The following DENND2D variants were observed in gnomAD, a reference collection of about 807,000 sequenced individuals.
DENND2D encodes the protein DENN domain-containing protein 2D.
DENND2D carries 37 observed loss-of-function variants against 59.8 expected under a neutral mutation model. The observed-to-expected ratio is 0.62, with a 90% CI of 0.48 to 0.81. DENND2D has a LOEUF of 0.81. DENND2D is among the 40% of genes least tolerant of loss of function. The pLI is 0.00. For missense variants in DENND2D, 525 were observed against 579.7 expected (o/e 0.91, Z 0.97); for synonymous variants, 219 against 211.3 (o/e 1.04, Z -0.31).
At chr1:111,188,933 T>C in intron 9 of DENND2D, 147 bp from the exon 10 acceptor site, 7 of 765,818 alleles carry the variant, frequency 9.1e-6, no homozygotes, top group Non-Finnish European at 1.5e-5. Context: ...AAGCTGTTTC[T>C]TGGCCTTTAG....
In DENND2D at chr1:111,197,237, G is replaced by C. The variant is rs1026164401; in HGVS notation, c.443C>G (p.Pro148Arg). Reference sequence around the variant, plus strand: ...GATGCAGTACACTTTGGGAAGGCGAGGGCCAGGGCCGGCAGGCTGGGGAGG... The same window carrying C: ...GATGCAGTACACTTTGGGAAGGCGACGGCCAGGGCCGGCAGGCTGGGGAGG... ...CRRLLPAGPG[P>R]RLPKVYCIIS... Residue 148 changes from proline to arginine, a missense_variant, in exon 5 of 12, where the codon CCT becomes CGT. By Grantham distance (103) the Pro-to-Arg change is moderately radical (BLOSUM62 -2). Transcript: ENST00000357640. The C allele has an allele frequency of 6.2e-7, 1 of 1,613,484 alleles. No homozygotes were observed. Among genetic ancestry groups the C allele is most frequent in the Admixed American group, 1.7e-5 (1 of 59,966 alleles).
Position 111,197,723 on chromosome 1 carries a change from C to T in DENND2D, c.426+197G>A, listed in dbSNP as rs599134. 9.1e-5 allele frequency: 129 copies of T among 1,419,638 alleles called. 1 individual carries two copies. The highest frequency in any genetic ancestry group is 1.7e-4 in the South Asian group (11 of 66,000). The allele number at this position is 1,419,638 out of a possible 1,614,324, so 87.9% of individuals were successfully genotyped here. ...GCACAGACCAGAGCCTGACCAGCAG[C>T]GGGAGAAGGGGCATCAGGTCCTCGT... On this transcript the variant is annotated intron_variant, in intron 4 of 11. Coordinates refer to ENST00000357640, the MANE Select transcript of DENND2D (RefSeq NM_024901.5).
upstream of DENND2D, chr1:111,204,509 C>T: frequency 1.3e-6 from 1 of 798,940 alleles, no homozygotes. Context: ...TCCGGCCCAA[C>T]CCCCGGGCGC....
chr1:111,200,679 C>T (rs1658716666), upstream of DENND2D: 1 of 1,328,408 alleles, frequency 7.5e-7, no homozygotes, highest in African/African-American at 1.5e-5. Context: ...GAAGCCAGCA[C>T]CAACAGAGTC....
rs2101431242 is a variant in DENND2D at position 111,186,763 on chromosome 1, T to C, written c.*842A>G. ...CAGTTGGAGGTAGGATGTCCAAGAC[T>C]GAAGGTAAAGGACTAGTGCAAACTG... On this transcript the variant is annotated 3_prime_UTR_variant, in exon 12 of 12. Transcript: ENST00000357640. Among the ~76,000 whole-genome samples the C allele has an allele frequency of 6.6e-6, 1 of 152,308 alleles. No homozygotes were observed. Among genetic ancestry groups the C allele is most frequent in the Middle Eastern group, 3.4e-3 (1 of 294 alleles).
chr1:111,195,634 A>C, intron 6 of DENND2D: 1 of 345,426 alleles, frequency 2.9e-6, no homozygotes, highest in Non-Finnish European at 5.4e-6. Context: ...GGCTGAGGGA[A>C]AAGTCCTTTA....
At chr1:111,203,660 C>T (rs1659018641), upstream of DENND2D, among the ~76,000 whole-genome samples, 1 of 152,184 alleles carries the variant, frequency 6.6e-6, no homozygotes, top group African/African-American at 2.4e-5. Flanking sequence ...TGTTGCGGGG[C>T]TGAGGGAAAG....
At chr1:111,195,776 CCATT>C (rs1354848589) in intron 6 of DENND2D, 136 bp downstream of exon 6, 4 of 1,226,718 alleles carry the variant, frequency 3.3e-6, no homozygotes. Flanking sequence ...TCAGCTTTGT[CCATT>C]CTAACCAAGT....
At position 111,189,204 on chromosome 1, in the gene DENND2D, A is replaced by C; in HGVS notation, c.1014+8T>G. On this transcript the variant is annotated splice_region_variant and intron_variant, in intron 9 of 11. Transcript: ENST00000357640. ...AGGCCTGCAGGGGATCTGAACCCAG[A>C]CACTTACCGACATTAAGAAGGTTCC... 1 of 1,614,174 alleles carries C rather than the reference A, an allele frequency of 6.2e-7. No individual in the cohort carries two copies. Among genetic ancestry groups the C allele is most frequent in the Non-Finnish European group, 8.5e-7 (1 of 1,180,016 alleles).
chr1:111,187,808 G>T, intron 11 of DENND2D, 127 bp from the exon 12 acceptor site: 2 of 819,746 alleles, frequency 2.4e-6, no homozygotes, highest in Non-Finnish European at 3.9e-6. Context: ...GATGTCTCTG[G>T]CCTCACAGGT....
chr1:111,187,792 T>C, intron 11 of DENND2D, 111 bp from the exon 12 acceptor site: 1 of 899,922 alleles, frequency 1.1e-6, no homozygotes, highest in Admixed American at 2.3e-5. Flanking sequence ...CTGCCATCCC[T>C]GCCAGGATGT....
chr1:111,200,377 G>A lies in DENND2D; in HGVS notation c.67+16C>T. The A allele has an allele frequency of 6.2e-7, 1 of 1,609,374 alleles. No individual in the cohort carries two copies. Among genetic ancestry groups the A allele is most frequent in the Non-Finnish European group, 8.5e-7 (1 of 1,177,616 alleles). On this transcript the variant is annotated intron_variant, in intron 1 of 11. Coordinates refer to ENST00000357640, the MANE Select transcript of DENND2D (RefSeq NM_024901.5). ...GGTCACCCTAAAAACAAGGAAGTAG[G>A]CAGTCCAGTCCTGACCTGCTCGGAG...
At chr1:111,197,778 A>G in intron 4 of DENND2D, 142 bp downstream of exon 4, 3 of 1,459,656 alleles carry the variant, frequency 2.1e-6, no homozygotes, top group Non-Finnish European at 2.7e-6. Context: ...GAGCACTAGC[A>G]TGGCAGCAGG....
chr1:111,191,153 AGT>A (rs1193231440), intron 8 of DENND2D, among the ~76,000 whole-genome samples: 1 of 152,206 alleles, frequency 6.6e-6, no homozygotes, highest in African/African-American at 2.4e-5. Flanking sequence ...TGTCCCAGTT[AGT>A]CACAAGGCTA....
chr1:111,190,037 G>C (rs919102989), intron 8 of DENND2D, among the ~76,000 whole-genome samples: 1 of 151,820 alleles, frequency 6.6e-6, no homozygotes, highest in Non-Finnish European at 1.5e-5. Context: ...GGTGGCGGGC[G>C]CCTGTAGTCC....
chr1:111,202,077 C>G (rs2783439), upstream of DENND2D, among the ~76,000 whole-genome samples: 92,512 of 152,058 alleles, frequency 0.61, 29,773 homozygotes, highest in East Asian at 0.86. Context: ...CAAATCCATG[C>G]TCCTGCCTTC....
chr1:111,190,784 A>G (rs72977998), intron 8 of DENND2D, among the ~76,000 whole-genome samples: 3,012 of 152,348 alleles, frequency 0.02, 108 homozygotes, highest in African/African-American at 0.069. Context: ...ATGCCAAAAA[A>G]TAGAGCATGC....
upstream of DENND2D, chr1:111,202,270 A>G (rs1312828254): frequency 6.6e-6 from 1 of 152,186 alleles, no homozygotes; most frequent in African/African-American, 2.4e-5. Flanking sequence ...AAATTAATAA[A>G]TCATTGACAA....
intron 11 of DENND2D, 54 bp downstream of exon 11, chr1:111,188,075 CTT>C (rs1657382310): frequency 5.7e-6 from 9 of 1,585,464 alleles, no homozygotes; most frequent in Non-Finnish European, 6.9e-6. Flanking sequence ...TTCCCCTCCT[CTT>C]TATTCTAGAG....
Sources: allele counts gnomAD v4.1 joint callset (sites outside exome capture counted in the v4.1 genomes callset), GRCh38; gene constraint gnomAD v4.1.1; transcripts MANE v1.5; gene names NCBI Gene and HGNC (gene_info 2026-07-23, HGNC 2026-07-21).